Variants in HHAT observed in about 807,000 individuals in gnomAD.
HHAT encodes protein-cysteine N-palmitoyltransferase HHAT.
A neutral mutation model predicts 70.8 loss-of-function variants in HHAT; 47 were observed. That is an observed-to-expected ratio of 0.66 (90% CI 0.53 to 0.85). The LOEUF (loss-of-function observed/expected upper bound fraction) is 0.85. Among genes scored for constraint, HHAT ranks in the 40% least tolerant of loss-of-function variants. The pLI, the probability that HHAT is intolerant of heterozygous loss-of-function variation, is 0.00. For synonymous variants in HHAT, 228 were observed against 247.6 expected, an observed-to-expected ratio of 0.92 and a Z score of 0.74; for missense variants, 609 against 604.8, an observed-to-expected ratio of 1.01 and a Z score of -0.07.
chr1:210,580,398 C>T (rs910133694), intron 9 of HHAT, among the ~76,000 whole-genome samples: 20 of 151,172 alleles, frequency 1.3e-4, no homozygotes, highest in Non-Finnish European at 2.1e-4. Context: ...AGGGGGGATA[C>T]GTGTACAGAA....
intron 1 of HHAT, among the ~76,000 whole-genome samples, chr1:210,342,246 A>G (rs2086105338): frequency 6.6e-6 from 1 of 152,170 alleles, no homozygotes; most frequent in Non-Finnish European, 1.5e-5. Flanking sequence ...CTTCATTCAA[A>G]TAATTTTATG....
chr1:210,606,452 C>T (rs1276214830), intron 10 of HHAT, among the ~76,000 whole-genome samples: 1 of 151,550 alleles, frequency 6.6e-6, no homozygotes, highest in Admixed American at 6.6e-5. Context: ...ACTAGAAAAT[C>T]TCTCAGATAG....
intron 6 of HHAT, among the ~76,000 whole-genome samples, chr1:210,417,209 G>T (rs537158081): frequency 9.7e-4 from 148 of 152,200 alleles, no homozygotes; most frequent in Non-Finnish European, 1.6e-3. Context: ...TGATGGCAAA[G>T]CTACCCGAAG....
chr1:210,473,696 G>A lies in HHAT; in HGVS notation c.1007+9041G>A, dbSNP rs976850752. 9.9e-5 allele frequency among the ~76,000 whole-genome samples: 15 copies of A among 152,168 alleles called. 1 individual carries two copies. The highest frequency in any genetic ancestry group is 3.1e-4 in the African/African-American group (13 of 41,440). On this transcript the variant is annotated intron_variant, in intron 8 of 11. Coordinates refer to ENST00000261458, the MANE Select transcript of HHAT (RefSeq NM_018194.6). Reference sequence around the variant, plus strand: ...ATTTGACTTAATTTCTCCTGCCATTGTCTCCTCCTGCATCTCCTTTCCCAC... The same window carrying A: ...ATTTGACTTAATTTCTCCTGCCATTATCTCCTCCTGCATCTCCTTTCCCAC...
chr1:210,641,336 A>G (rs1437837963), intron 11 of HHAT, among the ~76,000 whole-genome samples: 2 of 152,194 alleles, frequency 1.3e-5, no homozygotes, highest in African/African-American at 4.8e-5. Context: ...TTTAGTCAGT[A>G]CCCAGCATCC....
chr1:210,497,407 G>A (rs900146825), intron 8 of HHAT, among the ~76,000 whole-genome samples: 3 of 152,156 alleles, frequency 2.0e-5, no homozygotes, highest in Non-Finnish European at 4.4e-5. Context: ...AAGACCAGTA[G>A]AAAACACAAC....
At chr1:210,486,676 C>T (rs2094476978) in intron 8 of HHAT, among the ~76,000 whole-genome samples, 1 of 152,170 alleles carries the variant, frequency 6.6e-6, no homozygotes, top group Non-Finnish European at 1.5e-5. Context: ...CCAGTATTGA[C>T]AGTTCATGTC....
intron 10 of HHAT, among the ~76,000 whole-genome samples, chr1:210,607,638 C>T (rs1381585669): frequency 6.6e-6 from 1 of 152,128 alleles, no homozygotes; most frequent in Non-Finnish European, 1.5e-5. Flanking sequence ...GACAGACTTT[C>T]ATCTTCCCAC....
At chr1:210,628,207 G>C (rs1670190527) in intron 11 of HHAT, among the ~76,000 whole-genome samples, 1 of 152,088 alleles carries the variant, frequency 6.6e-6, no homozygotes, top group African/African-American at 2.4e-5. Context: ...TTATACACTG[G>C]GAATATATCT....
chr1:210,608,335 C>T (rs1194898638), intron 10 of HHAT, among the ~76,000 whole-genome samples: 3 of 152,114 alleles, frequency 2.0e-5, no homozygotes, highest in Non-Finnish European at 1.5e-5. Flanking sequence ...TCTGTGCTTT[C>T]CTCAGTTATT....
chr1:210,636,209 G>T (rs899119179), intron 11 of HHAT, among the ~76,000 whole-genome samples: 3 of 152,156 alleles, frequency 2.0e-5, no homozygotes, highest in Non-Finnish European at 4.4e-5. Context: ...TAGTGTGAAG[G>T]TATCTTCCTC....
At chr1:210,588,389 C>A in intron 10 of HHAT, 1 of 311,348 alleles carries the variant, frequency 3.2e-6, no homozygotes, top group Non-Finnish European at 5.9e-6. Flanking sequence ...ATGTTAAGAT[C>A]CATTCTTCTA....
intron 4 of HHAT, among the ~76,000 whole-genome samples, chr1:210,393,272 A>G (rs955925532): frequency 2.0e-5 from 3 of 152,130 alleles, no homozygotes; most frequent in Admixed American, 6.5e-5. Flanking sequence ...GGAGCAGTTT[A>G]TGGTGTTCAA....
chr1:210,546,421 G>A (rs535044019), intron 9 of HHAT, among the ~76,000 whole-genome samples: 50 of 152,344 alleles, frequency 3.3e-4, no homozygotes, highest in African/African-American at 1.1e-3. Context: ...CATGGAAGAT[G>A]GAGGAGAAGG....
intron 8 of HHAT, among the ~76,000 whole-genome samples, chr1:210,507,367 T>C (rs1437674824): frequency 6.7e-6 from 1 of 148,514 alleles, no homozygotes; most frequent in African/African-American, 2.5e-5. Context: ...TTCTTTTTTT[T>C]TTTTTTTTTT....
At chr1:210,361,938 T>C (rs1390042312) in intron 2 of HHAT, among the ~76,000 whole-genome samples, 1 of 152,124 alleles carries the variant, frequency 6.6e-6, no homozygotes, top group African/African-American at 2.4e-5. Flanking sequence ...ATCAGCACTA[T>C]CATAGTTTCT....
chr1:210,662,586 G>A (rs1004456581), intron 11 of HHAT, among the ~76,000 whole-genome samples: 5 of 152,162 alleles, frequency 3.3e-5, no homozygotes, highest in African/African-American at 1.2e-4. Context: ...GCCTGATTTG[G>A]GGTATAGCAA....
chr1:210,402,832 C>CTT (rs1169731317), intron 5 of HHAT, among the ~76,000 whole-genome samples: 1 of 152,204 alleles, frequency 6.6e-6, no homozygotes, highest in Non-Finnish European at 1.5e-5. Context: ...GGTGACAACA[C>CTT]TTAGCATTCA....
rs540054543 is a variant in HHAT, at chr1:210,369,095, A to G, written c.159+6176A>G. 6.6e-5 allele frequency among the ~76,000 whole-genome samples: 10 copies of G among 152,280 alleles called. No individual in the cohort carries two copies. In the South Asian group the frequency reaches 1.0e-3, roughly 16 times the overall value. On this transcript the variant is annotated intron_variant, in intron 3 of 11. Coordinates refer to ENST00000261458, the MANE Select transcript of HHAT (RefSeq NM_018194.6). The stretch of plus-strand genomic sequence containing the variant: ...CTCTGTCTCAAAAAAAAGAAAGAAA[A>G]AAAAAAAGAATTGCTGATTCTCCCT...
Sources: gnomAD v4.1 joint callset for allele counts (sites outside exome capture counted in the v4.1 genomes callset) on GRCh38, gnomAD v4.1.1 for gene constraint, MANE v1.5 for transcripts, NCBI Gene and HGNC (gene_info 2026-07-23, HGNC 2026-07-21) for gene names.